NTRK3: variants seen among roughly 807,000 people sequenced by gnomAD.
The protein encoded by NTRK3 is NT-3 growth factor receptor.
In NTRK3, 24 loss-of-function variants were observed where a neutral mutation model predicts 91.7. The observed-to-expected ratio is 0.26, with a 90% CI of 0.19 to 0.37. NTRK3 has a LOEUF of 0.37. NTRK3 is among the 10% of genes least tolerant of loss of function. The probability of loss-of-function intolerance (pLI) is 1.00; values close to 1 mark genes in which losing one functional copy is unlikely to be tolerated. For missense variants in NTRK3, 880 were observed against 1,068.9 expected, an observed-to-expected ratio of 0.82 and a Z score of 2.46; for synonymous variants, 483 against 404.0, an observed-to-expected ratio of 1.20 and a Z score of -2.34.
At position 88,234,005 on chromosome 15, in the gene NTRK3, C is replaced by T. The variant is rs936722300; in HGVS notation, c.248+21901G>A. On this transcript the variant is annotated intron_variant, in intron 3 of 18. Coordinates refer to ENST00000394480, the Ensembl canonical transcript of NTRK3. The surrounding 1 kb of genome is among the most constrained non-coding windows in gnomAD (Gnocchi z 6.1). ...ATAAACAAATATATTTTAGCAAGTGCCATTCCTGAGCTGGAGTCCCTTTCT... is the reference window on the plus strand; with the variant it reads ...ATAAACAAATATATTTTAGCAAGTGTCATTCCTGAGCTGGAGTCCCTTTCT... Among the ~76,000 whole-genome samples the T allele has an allele frequency of 2.6e-5, 4 of 152,156 alleles. No individual in the cohort carries two copies. The highest frequency in any genetic ancestry group is 6.5e-5 in the Admixed American group (1 of 15,282).
intron 13 of NTRK3, among the ~76,000 whole-genome samples, chr15:88,036,918 T>G (rs991379859): frequency 6.6e-6 from 1 of 152,238 alleles, no homozygotes; most frequent in South Asian, 2.1e-4. Context: ...TTAAACCTTT[T>G]GTGAAAGGCT....
intron 16 of NTRK3, among the ~76,000 whole-genome samples, chr15:87,931,540 G>A (rs751444083): frequency 1.3e-5 from 2 of 152,172 alleles, no homozygotes; most frequent in Non-Finnish European, 2.9e-5. Flanking sequence ...AGAAAATTAA[G>A]ATTTAATAAC....
At chr15:87,875,608 A>T (rs1395235819) in exon 19 of NTRK3, 2 of 232,712 alleles carry the variant, frequency 8.6e-6, no homozygotes, top group African/African-American at 4.4e-5. Flanking sequence ...TTTTCACAAC[A>T]GCTCAAAGGC....
At chr15:88,168,576 C>A (rs2045212287) in intron 5 of NTRK3, among the ~76,000 whole-genome samples, 1 of 152,244 alleles carries the variant, frequency 6.6e-6, no homozygotes, top group East Asian at 1.9e-4. Flanking sequence ...ACCACCCTTG[C>A]TGGCATCAGC....
intron 3 of NTRK3, among the ~76,000 whole-genome samples, chr15:88,209,777 A>C (rs2049085563): frequency 1.3e-5 from 2 of 152,182 alleles, no homozygotes; most frequent in Admixed American, 1.3e-4. Context: ...CTGACCACAG[A>C]CTCAAACAGT....
chr15:87,862,081 C>G (rs2064542565), exon 19 of NTRK3: 1 of 215,032 alleles, frequency 4.7e-6, no homozygotes, highest in South Asian at 1.9e-4. Flanking sequence ...CAAAACTCCT[C>G]TATTCTAAAG....
At chr15:88,211,877 C>T (rs1257039709) in intron 3 of NTRK3, among the ~76,000 whole-genome samples, 3 of 152,212 alleles carry the variant, frequency 2.0e-5, no homozygotes, top group African/African-American at 7.2e-5. Context: ...CAGAAATGTT[C>T]TTCAAATGAG....
intron 5 of NTRK3, among the ~76,000 whole-genome samples, chr15:88,176,996 C>T (rs1597781227): frequency 6.6e-6 from 1 of 152,238 alleles, no homozygotes; most frequent in African/African-American, 2.4e-5. Flanking sequence ...TGAGAAGGGG[C>T]CAGCCATGCC....
chr15:88,142,486 C>G (rs905946618), intron 6 of NTRK3, among the ~76,000 whole-genome samples: 10 of 152,228 alleles, frequency 6.6e-5, no homozygotes, highest in Non-Finnish European at 1.2e-4. Context: ...ATTTAGAAAA[C>G]ACTGATTCCC....
intron 14 of NTRK3, among the ~76,000 whole-genome samples, chr15:87,963,572 T>A (rs953597405): frequency 1.3e-5 from 2 of 152,232 alleles, no homozygotes; most frequent in Admixed American, 1.3e-4. Flanking sequence ...TTCAGTACTT[T>A]ATTATAAAGT....
chr15:87,927,607 G>A (rs1269284153), intron 17 of NTRK3: 1 of 152,218 alleles, frequency 6.6e-6, no homozygotes, highest in Non-Finnish European at 1.5e-5. Context: ...AATGGTGTTA[G>A]GACGTGAGGC....
chr15:88,002,006 T>C (rs1045063053), intron 14 of NTRK3, among the ~76,000 whole-genome samples: 2 of 152,018 alleles, frequency 1.3e-5, no homozygotes, highest in African/African-American at 4.8e-5. Flanking sequence ...TGATATTTGA[T>C]TTAAAAATAG....
At chr15:88,202,209 A>C (rs1450177672) in intron 3 of NTRK3, among the ~76,000 whole-genome samples, 1 of 152,154 alleles carries the variant, frequency 6.6e-6, no homozygotes, top group Admixed American at 6.5e-5. Context: ...ATCCAATCCT[A>C]AGCGGGGAGG....
intron 14 of NTRK3, among the ~76,000 whole-genome samples, chr15:87,976,137 A>G (rs1311808037): frequency 1.3e-5 from 2 of 152,122 alleles, no homozygotes; most frequent in African/African-American, 4.8e-5. Context: ...TTCTCCCTCG[A>G]ACCAGTGCAT....
At chr15:88,129,540 C>A (rs1269625184) in intron 10 of NTRK3, among the ~76,000 whole-genome samples, 1 of 152,202 alleles carries the variant, frequency 6.6e-6, no homozygotes, top group East Asian at 1.9e-4. Context: ...CTTTAGCACA[C>A]AACAGAAGCA....
rs141638182 is a variant in NTRK3, at chr15:88,056,511, G to C, written c.1397-23466C>G. 7.2e-3 allele frequency among the ~76,000 whole-genome samples: 1,102 copies of C among 152,214 alleles called. 10 individuals carry two copies. The highest frequency in any genetic ancestry group is 0.029 in the East Asian group (151 of 5,170). The stretch of plus-strand genomic sequence containing the variant: ...GGCCTTCGTTTCACTTGGGAACAAA[G>C]ACACTGCTTCAATTTGATGCTGAGA... On this transcript the variant is annotated intron_variant, in intron 13 of 18. Coordinates refer to ENST00000394480, the Ensembl canonical transcript of NTRK3.
chr15:87,940,558 C>CTTCCT, intron 15 of NTRK3, 65 bp downstream of exon 15: 1 of 1,603,724 alleles, frequency 6.2e-7, no homozygotes, highest in Non-Finnish European at 8.5e-7. Flanking sequence ...GAGGGAGCCT[C>CTTCCT]TTCCTTCCCT....
intron 14 of NTRK3, among the ~76,000 whole-genome samples, chr15:87,984,363 G>C (rs1364865505): frequency 6.6e-6 from 1 of 152,232 alleles, no homozygotes; most frequent in East Asian, 1.9e-4. Flanking sequence ...TTGTGGGAAG[G>C]TGATCATCAA....
At chr15:88,135,812 AC>A (rs1178969761) in intron 9 of NTRK3, 86 bp downstream of exon 9, 2 of 1,543,662 alleles carry the variant, frequency 1.3e-6, no homozygotes, top group Non-Finnish European at 1.8e-6. Flanking sequence ...GCTCTAGCTC[AC>A]CCCTGACAAC....
Sources: gnomAD v4.1 joint callset for allele counts (sites outside exome capture counted in the v4.1 genomes callset) on GRCh38, gnomAD v4.1.1 for gene constraint, Gnocchi (gnomAD v3.1) non-coding constraint, MANE v1.5 for transcripts, NCBI Gene and HGNC (gene_info 2026-07-23, HGNC 2026-07-21) for gene names.